The following GALNT7 variants were observed in gnomAD, a reference collection of about 807,000 sequenced individuals.
The protein encoded by GALNT7 is polypeptide N-acetylgalactosaminyltransferase 7, also known as N-acetylgalactosaminyltransferase 7.
GALNT7 carries 60 observed loss-of-function variants against 82.1 expected under a neutral mutation model. The observed-to-expected ratio is 0.73, with a 90% CI of 0.59 to 0.91. GALNT7 has a LOEUF of 0.91. Ranked by LOEUF, GALNT7 falls within the 40% of genes least tolerant of loss-of-function variation. GALNT7 has a pLI of 0.00. For missense variants in GALNT7, 660 were observed against 804.2 expected, an observed-to-expected ratio of 0.82 and a Z score of 2.17; for synonymous variants, 243 against 275.1, an observed-to-expected ratio of 0.88 and a Z score of 1.15.
At chr4:173,269,409 C>T (rs1269367376) in intron 2 of GALNT7, among the ~76,000 whole-genome samples, 1 of 152,124 alleles carries the variant, frequency 6.6e-6, no homozygotes, top group African/African-American at 2.4e-5. Context: ...CTTGGGAAGG[C>T]AGCTGGAATC....
At chr4:173,293,886 C>A (rs993531897) in intron 3 of GALNT7, among the ~76,000 whole-genome samples, 1 of 152,226 alleles carries the variant, frequency 6.6e-6, no homozygotes, top group Non-Finnish European at 1.5e-5. Context: ...ACACAACCAG[C>A]CTCTTAATGC....
chr4:173,180,971 C>A (rs1732231491), intron 1 of GALNT7, among the ~76,000 whole-genome samples: 1 of 152,158 alleles, frequency 6.6e-6, no homozygotes, highest in Admixed American at 6.5e-5. Flanking sequence ...AGTGTTTAAA[C>A]ACCCCTGTTC....
chr4:173,201,985 T>A (rs1732959320), intron 1 of GALNT7, among the ~76,000 whole-genome samples: 1 of 152,222 alleles, frequency 6.6e-6, no homozygotes, highest in Non-Finnish European at 1.5e-5. Context: ...CACAATAGAT[T>A]CTAATTTTAT....
At chr4:173,222,024 T>G (rs1278520477) in intron 1 of GALNT7, among the ~76,000 whole-genome samples, 1 of 152,146 alleles carries the variant, frequency 6.6e-6, no homozygotes, top group African/African-American at 2.4e-5. Flanking sequence ...ATTAAGCTAT[T>G]GGATGCTGTA....
rs192923278 is a variant in GALNT7 at position 173,298,103 on chromosome 4, A to G, written c.966-12A>G. On this transcript the variant is annotated splice_polypyrimidine_tract_variant and intron_variant, in intron 5 of 11. Transcript: ENST00000265000. ...CTTCCATTTGATCTTTGCTGCCATC[A>G]ACACAATACAGAACCATTTGCACTG... The G allele has an allele frequency of 1.2e-6, 2 of 1,613,424 alleles. No individual in the cohort carries two copies. The highest frequency in any genetic ancestry group is 2.2e-5 in the East Asian group (1 of 44,864).
chr4:173,258,718 G>T (rs957881476), intron 2 of GALNT7, among the ~76,000 whole-genome samples: 2 of 152,128 alleles, frequency 1.3e-5, no homozygotes, highest in Non-Finnish European at 2.9e-5. Context: ...AAACTTGCAG[G>T]TCACGTAACT....
intron 1 of GALNT7, among the ~76,000 whole-genome samples, chr4:173,242,853 T>C (rs992242290): frequency 6.6e-6 from 1 of 152,236 alleles, no homozygotes; most frequent in Non-Finnish European, 1.5e-5. Context: ...GTCCATTCCT[T>C]CTGCTCCTTT....
At chr4:173,170,327 A>G (rs1731818535) in intron 1 of GALNT7, among the ~76,000 whole-genome samples, 1 of 152,204 alleles carries the variant, frequency 6.6e-6, no homozygotes, top group Non-Finnish European at 1.5e-5. Context: ...CTTCTATGTC[A>G]TGTTTATTTA....
At chr4:173,312,497 C>T (rs1221910469) in intron 8 of GALNT7, among the ~76,000 whole-genome samples, 1 of 152,190 alleles carries the variant, frequency 6.6e-6, no homozygotes, top group Admixed American at 6.5e-5. Context: ...CTCACCCCCT[C>T]ACCTCCATAG....
At chr4:173,264,608 C>A (rs1185580238) in intron 2 of GALNT7, among the ~76,000 whole-genome samples, 1 of 152,180 alleles carries the variant, frequency 6.6e-6, no homozygotes, top group Non-Finnish European at 1.5e-5. Context: ...CAACTCTATG[C>A]TTTTGTTCTT....
At chr4:173,287,090 A>T (rs925203655) in intron 2 of GALNT7, among the ~76,000 whole-genome samples, 2 of 152,196 alleles carry the variant, frequency 1.3e-5, no homozygotes, top group African/African-American at 2.4e-5. Flanking sequence ...CTTTCTTCCC[A>T]TATTAAGGGC....
intron 2 of GALNT7, among the ~76,000 whole-genome samples, chr4:173,251,914 AC>A (rs1485982451): frequency 6.6e-6 from 1 of 152,146 alleles, no homozygotes; most frequent in Non-Finnish European, 1.5e-5. Flanking sequence ...AATCCCAGAA[AC>A]TTTTTTAAAC....
intron 2 of GALNT7, among the ~76,000 whole-genome samples, chr4:173,289,555 G>A (rs1736461778): frequency 6.6e-6 from 1 of 152,232 alleles, no homozygotes; most frequent in African/African-American, 2.4e-5. Flanking sequence ...AAAGCTGTCT[G>A]TGCAATTCCC....
intron 10 of GALNT7, among the ~76,000 whole-genome samples, chr4:173,318,017 T>C (rs1737669571): frequency 1.3e-5 from 2 of 152,224 alleles, no homozygotes; most frequent in Non-Finnish European, 2.9e-5. Flanking sequence ...CTACCGTAAC[T>C]ATGTAAGCCT....
At chr4:173,184,436 A>G (rs1161449383) in intron 1 of GALNT7, among the ~76,000 whole-genome samples, 2 of 152,016 alleles carry the variant, frequency 1.3e-5, no homozygotes, top group African/African-American at 4.8e-5. Context: ...GTCTCCACCA[A>G]GAAATATGAA....
rs904264315 is a variant in GALNT7 at position 173,320,598 on chromosome 4, A to G, written c.1837-982A>G. Among the ~76,000 whole-genome samples, 5 of 152,092 alleles carry G rather than the reference A, an allele frequency of 3.3e-5. No homozygotes were observed. The highest frequency in any genetic ancestry group is 1.2e-4 in the African/African-American group (5 of 41,416). On this transcript the variant is annotated intron_variant, in intron 11 of 11. Coordinates refer to ENST00000265000, the MANE Select transcript of GALNT7 (RefSeq NM_017423.3). This position sits in a 1 kb window ranked among gnomAD's most constrained non-coding sequence, Gnocchi z 4.1. Reference sequence around the variant, plus strand: ...GAAACCCAGCCCCACACAAGCATACAGTTTGTAAAGGGAGCGAGTACTTTA... The same window carrying G: ...GAAACCCAGCCCCACACAAGCATACGGTTTGTAAAGGGAGCGAGTACTTTA...
At chr4:173,190,170 C>T (rs1036122325) in intron 1 of GALNT7, among the ~76,000 whole-genome samples, 1 of 152,070 alleles carries the variant, frequency 6.6e-6, no homozygotes, top group Non-Finnish European at 1.5e-5. Flanking sequence ...CCATGCCCTT[C>T]TCTCTTGTTA....
chr4:173,287,415 G>C (rs575775362), intron 2 of GALNT7, among the ~76,000 whole-genome samples: 2 of 152,346 alleles, frequency 1.3e-5, no homozygotes, highest in East Asian at 1.9e-4. Context: ...GGCTTGCCCC[G>C]AGTGAACTTT....
intron 1 of GALNT7, chr4:173,169,738 G>T (rs1031302591): frequency 1.3e-5 from 2 of 152,042 alleles, no homozygotes; most frequent in Admixed American, 6.6e-5. Context: ...CCAGCCCTCA[G>T]CGCCTGGGGA....
Sources: gnomAD v4.1 joint callset for allele counts (sites outside exome capture counted in the v4.1 genomes callset) on GRCh38, gnomAD v4.1.1 for gene constraint, Gnocchi (gnomAD v3.1) non-coding constraint, MANE v1.5 for transcripts, NCBI Gene and HGNC (gene_info 2026-07-23, HGNC 2026-07-21) for gene names.